The following IMMP2L variants were observed in gnomAD, a reference collection of about 807,000 sequenced individuals.
IMMP2L encodes inner mitochondrial membrane peptidase subunit 2.
IMMP2L carries 18 observed loss-of-function variants against 19.3 expected under a neutral mutation model. That is an observed-to-expected ratio of 0.93 (90% confidence interval 0.64 to 1.38). IMMP2L has a LOEUF of 1.38. Ranked by LOEUF, IMMP2L falls within the 40% of genes most tolerant of loss-of-function variation. The pLI is 0.00. For synonymous variants in IMMP2L, 76 were observed against 73.0 expected, an observed-to-expected ratio of 1.04 and a Z score of -0.21; for missense variants, 233 against 218.2, an observed-to-expected ratio of 1.07 and a Z score of -0.43.
chr7:111,266,519 G>A (rs1366871139), intron 3 of IMMP2L, among the ~76,000 whole-genome samples: 8 of 149,512 alleles, frequency 5.4e-5, no homozygotes, highest in Admixed American at 4.7e-4. Context: ...CTCCAGCCTT[G>A]GCAACAGAGC....
chr7:111,377,296 G>GCTCT (rs1830762238), intron 3 of IMMP2L, among the ~76,000 whole-genome samples: 3 of 151,686 alleles, frequency 2.0e-5, no homozygotes, highest in Non-Finnish European at 4.4e-5. Flanking sequence ...TATATATAAA[G>GCTCT]AAGGAAAACA....
intron 3 of IMMP2L, among the ~76,000 whole-genome samples, chr7:111,209,489 T>C (rs190299209): frequency 6.6e-6 from 1 of 152,078 alleles, no homozygotes; most frequent in Admixed American, 6.5e-5. Flanking sequence ...AAAACTCATA[T>C]TTACATTTAA....
At chr7:110,884,570 T>C (rs1272601410) in intron 5 of IMMP2L, among the ~76,000 whole-genome samples, 1 of 152,062 alleles carries the variant, frequency 6.6e-6, no homozygotes, top group African/African-American at 2.4e-5. Flanking sequence ...TCAAGAGGGT[T>C]AGCATAAAGA....
intron 5 of IMMP2L, among the ~76,000 whole-genome samples, chr7:110,777,301 C>A (rs189079291): frequency 6.6e-6 from 1 of 151,916 alleles, no homozygotes; most frequent in African/African-American, 2.4e-5. Flanking sequence ...AATATGTGAA[C>A]ACAACTCTTC....
At chr7:111,414,276 G>T (rs551536091) in intron 3 of IMMP2L, among the ~76,000 whole-genome samples, 2 of 151,858 alleles carry the variant, frequency 1.3e-5, no homozygotes, top group Non-Finnish European at 2.9e-5. Flanking sequence ...AAAAGACCCA[G>T]AGGGTAGCTT....
At chr7:111,378,925 AG>A (rs1214398546) in intron 3 of IMMP2L, among the ~76,000 whole-genome samples, 2 of 151,890 alleles carry the variant, frequency 1.3e-5, no homozygotes, top group Non-Finnish European at 2.9e-5. Flanking sequence ...ATTCTGCATG[AG>A]AAACAGGTAT....
intron 3 of IMMP2L, among the ~76,000 whole-genome samples, chr7:111,418,919 AT>A (rs1217873644): frequency 1.3e-5 from 2 of 151,786 alleles, no homozygotes; most frequent in East Asian, 3.9e-4. Context: ...TTTACAGTTT[AT>A]TTCATACTCT....
chr7:111,383,046 G>A (rs1831359485), intron 3 of IMMP2L, among the ~76,000 whole-genome samples: 1 of 152,008 alleles, frequency 6.6e-6, no homozygotes, highest in Non-Finnish European at 1.5e-5. Context: ...AAATAAACCT[G>A]TGAGAAATGA....
At chr7:111,016,867 T>C (rs1205934791) in intron 3 of IMMP2L, among the ~76,000 whole-genome samples, 1 of 86,900 alleles carries the variant, frequency 1.2e-5, no homozygotes, top group African/African-American at 5.1e-5. Context: ...ATATAATATA[T>C]TACATATAAT....
intron 5 of IMMP2L, among the ~76,000 whole-genome samples, chr7:110,763,677 C>A (rs1023441911): frequency 2.6e-5 from 4 of 152,054 alleles, no homozygotes; most frequent in Non-Finnish European, 5.9e-5. Flanking sequence ...TCAGCCAAAC[C>A]TCACAAATTG....
chr7:111,490,597 A>C (rs1388830094), intron 2 of IMMP2L, among the ~76,000 whole-genome samples: 1 of 150,548 alleles, frequency 6.6e-6, no homozygotes, highest in Non-Finnish European at 1.5e-5. Context: ...TTCAAGCACC[A>C]ATCATTATGT....
intron 3 of IMMP2L, among the ~76,000 whole-genome samples, chr7:111,408,781 T>C (rs1448648150): frequency 2.0e-5 from 3 of 151,756 alleles, no homozygotes; most frequent in Non-Finnish European, 4.4e-5. Flanking sequence ...TTTTTAAATA[T>C]GAAGGCATAT....
At chr7:110,914,984 T>C (rs1024396596) in intron 4 of IMMP2L, among the ~76,000 whole-genome samples, 1 of 152,098 alleles carries the variant, frequency 6.6e-6, no homozygotes, top group African/African-American at 2.4e-5. Context: ...CCTTGTACAC[T>C]TGGTGGGAAT....
At chr7:110,799,646 T>C (rs922475735) in intron 5 of IMMP2L, among the ~76,000 whole-genome samples, 1 of 152,066 alleles carries the variant, frequency 6.6e-6, no homozygotes, top group African/African-American at 2.4e-5. Flanking sequence ...ATATAATTTC[T>C]GGAAGAAAAG....
At chr7:111,415,897 C>A (rs73424101) in intron 3 of IMMP2L, among the ~76,000 whole-genome samples, 18,234 of 149,668 alleles carry the variant, frequency 0.12, 1,868 homozygotes, top group African/African-American at 0.26. Context: ...ACAACAACAA[C>A]AAAAAAACAG....
chr7:111,214,824 A>AC lies in IMMP2L; in HGVS notation c.240-251260dup, dbSNP rs760803477. Among the ~76,000 whole-genome samples, 8 of 152,108 alleles carry AC rather than the reference A, an allele frequency of 5.3e-5. No homozygotes were observed. The East Asian group carries it at 1.4e-3, about 26-fold the overall frequency. ...AGAGAGAGATAGAGATTAAAGTAGAACATTCAAAATACAGCCACAGGCCAG... is the reference window on the plus strand; with the variant it reads ...AGAGAGAGATAGAGATTAAAGTAGAACCATTCAAAATACAGCCACAGGCCAG... On this transcript the variant is annotated intron_variant, in intron 3 of 5. Coordinates refer to ENST00000405709, the MANE Select transcript of IMMP2L (RefSeq NM_032549.4).
At chr7:110,987,603 G>A (rs114580953) in intron 3 of IMMP2L, among the ~76,000 whole-genome samples, 4 of 152,082 alleles carry the variant, frequency 2.6e-5, no homozygotes, top group Non-Finnish European at 5.9e-5. Context: ...ATTAAACTTT[G>A]GAAACACTAG....
intron 3 of IMMP2L, among the ~76,000 whole-genome samples, chr7:111,234,789 G>A (rs1164813144): frequency 1.3e-5 from 2 of 151,832 alleles, no homozygotes; most frequent in African/African-American, 4.8e-5. Flanking sequence ...ACTGTCTTCA[G>A]GTAATATTAT....
intron 5 of IMMP2L, among the ~76,000 whole-genome samples, chr7:110,794,374 C>A (rs1177762308): frequency 6.6e-6 from 1 of 152,026 alleles, no homozygotes; most frequent in Non-Finnish European, 1.5e-5. Context: ...CTTAATATTA[C>A]TAAGTGAAGG....
Sources: gnomAD v4.1 joint callset for allele counts (sites outside exome capture counted in the v4.1 genomes callset) on GRCh38, gnomAD v4.1.1 for gene constraint, MANE v1.5 for transcripts, NCBI Gene and HGNC (gene_info 2026-07-23, HGNC 2026-07-21) for gene names.